NLRC5: variants seen among roughly 807,000 people sequenced by gnomAD.
NLRC5 encodes the protein protein NLRC5.
A neutral mutation model predicts 206.9 loss-of-function variants in NLRC5; 114 were observed. That is an observed-to-expected ratio of 0.55 (90% CI 0.47 to 0.64). The LOEUF (loss-of-function observed/expected upper bound fraction) is 0.64. NLRC5 is among the 30% of genes least tolerant of loss of function. The probability of loss-of-function intolerance (pLI) is 0.00; values close to 1 mark genes in which losing one functional copy is unlikely to be tolerated. For synonymous variants in NLRC5, 952 were observed against 962.8 expected, an observed-to-expected ratio of 0.99 and a Z score of 0.21; for missense variants, 2,008 against 2,305.5, an observed-to-expected ratio of 0.87 and a Z score of 2.64.
At chr16:57,072,784 T>G (rs2067940660) in intron 38 of NLRC5, among the ~76,000 whole-genome samples, 1 of 152,228 alleles carries the variant, frequency 6.6e-6, no homozygotes, top group South Asian at 2.1e-4. Flanking sequence ...CTGAGAAAAC[T>G]TCTGTTGAAC....
In NLRC5 at chr16:57,049,498, G is replaced by A. The variant is rs556315625; in HGVS notation, c.3422+1870G>A. On this transcript the variant is annotated intron_variant, in intron 23 of 48. Transcript: ENST00000688547. ...CACGCCTATAATCCCAGCACTTTGG[G>A]AGGCCGAGGTGGCTGGATCATGAGG... 2.0e-5 allele frequency among the ~76,000 whole-genome samples: 3 copies of A among 152,058 alleles called. No individual in the cohort carries two copies. In the East Asian group the frequency reaches 5.8e-4, roughly 29 times the overall value.
At chr16:57,081,272 C>T in intron 47 of NLRC5, 91 bp downstream of exon 47, 1 of 1,276,368 alleles carries the variant, frequency 7.8e-7, no homozygotes, top group Non-Finnish European at 1.1e-6. Context: ...CCCCTGCCTC[C>T]CAGAAAGCCC....
intron 26 of NLRC5, 120 bp downstream of exon 26, chr16:57,055,214 C>G (rs2065461031): frequency 2.7e-6 from 3 of 1,120,394 alleles, no homozygotes; most frequent in East Asian, 4.9e-5. Context: ...CTGGAACAAC[C>G]CTGCAGAGGG....
intron 30 of NLRC5, 102 bp from the exon 31 acceptor site, chr16:57,061,346 G>A: frequency 8.7e-7 from 1 of 1,152,444 alleles, no homozygotes; most frequent in Non-Finnish European, 1.2e-6. Context: ...TGCCCTCAGA[G>A]GTGGGATGCT....
chr16:57,015,184 C>T (rs1321087256), intron 1 of NLRC5, among the ~76,000 whole-genome samples: 3 of 152,154 alleles, frequency 2.0e-5, no homozygotes, highest in African/African-American at 7.2e-5. Context: ...CTACCTTGGC[C>T]TCCCAAAGTG....
chr16:57,060,341 T>C (rs1259440249), intron 30 of NLRC5, among the ~76,000 whole-genome samples: 1 of 151,678 alleles, frequency 6.6e-6, no homozygotes, highest in African/African-American at 2.4e-5. Flanking sequence ...CCTTCCACCA[T>C]GTTCCTTCCC....
rs2145193997 is a variant in NLRC5, at chr16:57,082,575, T to A, written c.*47T>A. 7.2e-7 allele frequency: 1 copy of A among 1,396,346 alleles called. No individual in the cohort carries two copies. Among genetic ancestry groups the A allele is most frequent in the Non-Finnish European group, 1.0e-6 (1 of 988,764 alleles). 86.5% of individuals were successfully genotyped at this position (1,396,346 alleles called of 1,614,324 possible). ...AATCCAGCCAAGTGATGCACCCAAA[T>A]GATCCACCTTTCGCCCACTGGGATA... is the stretch of plus-strand genomic sequence containing the variant. On this transcript the variant is annotated 3_prime_UTR_variant, in exon 49 of 49. Coordinates refer to ENST00000688547, the MANE Select transcript of NLRC5 (RefSeq NM_001384950.1).
chr16:57,049,136 A>T (rs2064453426), intron 23 of NLRC5, among the ~76,000 whole-genome samples: 1 of 152,168 alleles, frequency 6.6e-6, no homozygotes, highest in East Asian at 1.9e-4. Flanking sequence ...TCCAAAGAAA[A>T]ATCTCATAGT....
intron 28 of NLRC5, 61 bp downstream of exon 28, chr16:57,058,209 C>T (rs574868871): frequency 7.2e-7 from 1 of 1,397,980 alleles, no homozygotes; most frequent in East Asian, 2.5e-5. Context: ...AGGCCAAAAG[C>T]ATGATGGGGG....
intron 1 of NLRC5, chr16:57,013,350 T>A (rs2059699319): frequency 4.7e-6 from 3 of 638,140 alleles, no homozygotes; most frequent in Admixed American, 2.5e-5. Flanking sequence ...TTTAAAATAC[T>A]TCCTTCAAAG....
intron 15 of NLRC5, among the ~76,000 whole-genome samples, chr16:57,038,694 G>A (rs2062904956): frequency 6.6e-6 from 1 of 152,124 alleles, no homozygotes; most frequent in East Asian, 1.9e-4. Flanking sequence ...CAGCACTTTG[G>A]GAGGCTGAGG....
chr16:57,025,902 G>A lies in NLRC5; in HGVS notation c.959G>A (p.Gly320Asp), dbSNP rs1362621716. 15 of 1,614,150 alleles carry A rather than the reference G, an allele frequency of 9.3e-6. No homozygotes were observed. Among genetic ancestry groups the A allele is most frequent in the Non-Finnish European group, 1.3e-5 (15 of 1,180,032 alleles). The part of the protein sequence containing the change: ...DEALQPMGPD[G>D]PGPVLTLFSH... ...GCCCTCCAGCCTATGGGTCCTGATG[G>A]CCCAGGCCCAGTCCTCACCCTTTTC... The change falls in exon 6 of 49, where the codon GGC becomes GAC. Residue 320 changes from glycine (G) to aspartate (D), a missense_variant. Physicochemically the swap from Gly to Asp is moderately conservative, Grantham distance 94. Coordinates refer to ENST00000688547, the MANE Select transcript of NLRC5 (RefSeq NM_001384950.1).
intron 2 of NLRC5, among the ~76,000 whole-genome samples, chr16:57,019,428 G>A (rs914591924): frequency 6.6e-6 from 1 of 152,126 alleles, no homozygotes; most frequent in Non-Finnish European, 1.5e-5. Flanking sequence ...CAGAAGGGAA[G>A]AATTTGCTTA....
chr16:57,025,306 A>T lies in NLRC5; in HGVS notation c.425-62A>T, dbSNP rs150502987. The T allele has an allele frequency of 7.5e-4, 1,120 of 1,502,228 alleles. 8 individuals are homozygous for T. In the African/African-American group the frequency reaches 0.014, roughly 19 times the overall value. The allele number at this position is 1,502,228 out of a possible 1,614,324, so 93.1% of individuals were successfully genotyped here. ...GCTCCCAACAGCCCAATACTGGGGC[A>T]AGAAGACATGAGCAGAGGGCCGGGG... On this transcript the variant is annotated intron_variant, in intron 5 of 48. Coordinates refer to ENST00000688547, the MANE Select transcript of NLRC5 (RefSeq NM_001384950.1).
intron 8 of NLRC5, among the ~76,000 whole-genome samples, 189 bp from the exon 9 acceptor site, chr16:57,029,584 G>T (rs1034067370): frequency 6.6e-6 from 1 of 152,282 alleles, no homozygotes; most frequent in African/African-American, 2.4e-5. Context: ...AATAGACCCA[G>T]AATTGAGGCC....
At chr16:57,040,810 A>G (rs1227580731) in intron 17 of NLRC5, 92 bp downstream of exon 17, 1 of 1,253,072 alleles carries the variant, frequency 8.0e-7, no homozygotes, top group Non-Finnish European at 1.2e-6. Flanking sequence ...CAGGCCCCAC[A>G]TGCTCCCTGA....
At chr16:57,054,076 G>A (rs923834302) in intron 24 of NLRC5, among the ~76,000 whole-genome samples, 3 of 152,192 alleles carry the variant, frequency 2.0e-5, no homozygotes, top group Non-Finnish European at 4.4e-5. Context: ...TGAGGGCAGA[G>A]TGGACCCATC....
At chr16:57,071,494 G>A (rs1475164055) in intron 38 of NLRC5, among the ~76,000 whole-genome samples, 1 of 144,360 alleles carries the variant, frequency 6.9e-6, no homozygotes, top group Non-Finnish European at 1.5e-5. Flanking sequence ...AGTGAGCGAT[G>A]ATGGTGGTTA....
At chr16:57,021,901 C>T (rs1337154992) in intron 3 of NLRC5, among the ~76,000 whole-genome samples, 6 of 152,116 alleles carry the variant, frequency 3.9e-5, no homozygotes, top group African/African-American at 9.7e-5. Context: ...GGCGGGGCGG[C>T]GCATGCACAT....
Sources: gnomAD v4.1 joint callset for allele counts (sites outside exome capture counted in the v4.1 genomes callset) on GRCh38, gnomAD v4.1.1 for gene constraint, MANE v1.5 for transcripts, NCBI Gene and HGNC (gene_info 2026-07-23, HGNC 2026-07-21) for gene names.